The following SRGAP3 variants were observed in gnomAD, a reference collection of about 807,000 sequenced individuals.
SRGAP3 encodes the protein SLIT-ROBO Rho GTPase activating protein 3, also known as SLIT-ROBO Rho GTPase-activating protein 3.
SRGAP3 carries 39 observed loss-of-function variants against 121.1 expected under a neutral mutation model. That is an observed-to-expected ratio of 0.32 (90% CI 0.25 to 0.42). The LOEUF (loss-of-function observed/expected upper bound fraction) is 0.42, where lower values mean the gene tolerates loss of function less well. Ranked by LOEUF, SRGAP3 falls within the 10% of genes least tolerant of loss-of-function variation. SRGAP3 has a pLI of 1.00. For missense variants in SRGAP3, 1,213 were observed against 1,470.6 expected (o/e 0.82, Z 2.86); for synonymous variants, 601 against 570.0 (o/e 1.05, Z -0.77).
At chr3:8,994,051 CTG>C in intron 19 of SRGAP3, 1 of 459,472 alleles carries the variant, frequency 2.2e-6, no homozygotes, top group Admixed American at 3.4e-5. Flanking sequence ...CCCCTGGATA[CTG>C]AGAGCCCTGG....
intron 2 of SRGAP3, among the ~76,000 whole-genome samples, chr3:9,114,875 C>T (rs999683712): frequency 3.3e-5 from 5 of 152,208 alleles, no homozygotes; most frequent in South Asian, 2.1e-4. Context: ...TCCACATCAC[C>T]GTGAACCAAG....
intron 1 of SRGAP3, among the ~76,000 whole-genome samples, chr3:9,178,714 G>A (rs77737070): frequency 1.4e-3 from 208 of 152,236 alleles, no homozygotes; most frequent in African/African-American, 4.9e-3. Flanking sequence ...GCCTCCCATG[G>A]CCTGGATCCC....
Position 9,207,309 on chromosome 3 carries a change from T to A in SRGAP3, c.67+41576A>T, listed in dbSNP as rs560753161. 9.8e-5 allele frequency among the ~76,000 whole-genome samples: 15 copies of A among 152,310 alleles called. No homozygotes were observed. In the South Asian group the frequency reaches 3.1e-3, roughly 32 times the overall value. ...TTTCTACTGTTTAGAGTCACACACC[T>A]AGACAGTGGCAACAAAGAAAGAGAG... On this transcript the variant is annotated intron_variant, in intron 1 of 21. Transcript: ENST00000383836.
chr3:9,120,744 T>C (rs188478092), intron 2 of SRGAP3, among the ~76,000 whole-genome samples: 1 of 152,248 alleles, frequency 6.6e-6, no homozygotes, highest in East Asian at 1.9e-4. Context: ...TTGAAAGAGG[T>C]TTGTTAGAAT....
At chr3:9,306,491 T>C (rs1471175538) in intron 3 of SRGAP3, among the ~76,000 whole-genome samples, 1 of 152,258 alleles carries the variant, frequency 6.6e-6, no homozygotes, top group East Asian at 1.9e-4. Context: ...TCCTTGCCCA[T>C]GCCTATGTCC....
At chr3:9,214,568 T>C (rs895886570) in intron 1 of SRGAP3, among the ~76,000 whole-genome samples, 1 of 152,068 alleles carries the variant, frequency 6.6e-6, no homozygotes, top group Admixed American at 6.5e-5. Flanking sequence ...TAAGTTAAAC[T>C]CCAAGACAAA....
At chr3:9,198,388 T>C (rs956913456) in intron 1 of SRGAP3, among the ~76,000 whole-genome samples, 1 of 152,130 alleles carries the variant, frequency 6.6e-6, no homozygotes, top group Non-Finnish European at 1.5e-5. Flanking sequence ...CCACATGCAG[T>C]GATGAGGAAG....
intron 1 of SRGAP3, among the ~76,000 whole-genome samples, chr3:9,178,218 A>C (rs1951248787): frequency 1.3e-5 from 2 of 152,124 alleles, no homozygotes; most frequent in African/African-American, 2.4e-5. Context: ...CAGTGAGCTG[A>C]GATCATGCCA....
intron 3 of SRGAP3, among the ~76,000 whole-genome samples, chr3:9,288,130 G>GTTTTTTTTT (rs57076828): frequency 5.9e-5 from 7 of 119,096 alleles, no homozygotes; most frequent in African/African-American, 6.3e-5. Context: ...TTCTATCTTT[G>GTTTTTTTTT]TTTTTTTTTT....
chr3:9,089,082 ACC>A (rs1947627050), intron 3 of SRGAP3, among the ~76,000 whole-genome samples: 1 of 152,080 alleles, frequency 6.6e-6, no homozygotes, highest in South Asian at 2.1e-4. Flanking sequence ...CCCAGTATAT[ACC>A]AGCCTAAACT....
intron 1 of SRGAP3, among the ~76,000 whole-genome samples, chr3:9,167,988 A>T (rs1950849618): frequency 6.6e-6 from 1 of 152,186 alleles, no homozygotes; most frequent in Non-Finnish European, 1.5e-5. Flanking sequence ...CAATTCACAA[A>T]GTGCTTTTTT....
chr3:9,153,685 T>C (rs1950289191), intron 1 of SRGAP3, among the ~76,000 whole-genome samples: 1 of 152,128 alleles, frequency 6.6e-6, no homozygotes, highest in South Asian at 2.1e-4. Context: ...AATATACACA[T>C]GGAGGGAAAG....
At chr3:9,333,844 C>T (rs1256814884) in intron 1 of SRGAP3, among the ~76,000 whole-genome samples, 2 of 152,120 alleles carry the variant, frequency 1.3e-5, no homozygotes, top group Non-Finnish European at 2.9e-5. Flanking sequence ...TTCAAATCAA[C>T]AATTACTGAG....
At chr3:9,177,455 C>G (rs1951219379) in intron 1 of SRGAP3, among the ~76,000 whole-genome samples, 1 of 152,098 alleles carries the variant, frequency 6.6e-6, no homozygotes, top group Admixed American at 6.6e-5. Flanking sequence ...GCTGGGGGAC[C>G]TGGAGGAGGC....
upstream of SRGAP3, among the ~76,000 whole-genome samples, chr3:9,253,658 T>C (rs762545805): frequency 6.6e-5 from 10 of 152,238 alleles, no homozygotes; most frequent in Non-Finnish European, 2.9e-5. Context: ...TGAATAATTC[T>C]GCCCTTCAAG....
intron 1 of SRGAP3, among the ~76,000 whole-genome samples, chr3:9,360,780 C>T (rs2030756173): frequency 6.6e-6 from 1 of 152,158 alleles, no homozygotes; most frequent in Non-Finnish European, 1.5e-5. Context: ...TCAATCATCT[C>T]CCACTGGGTC....
chr3:9,185,205 C>T (rs767209769), intron 1 of SRGAP3, among the ~76,000 whole-genome samples: 17 of 152,186 alleles, frequency 1.1e-4, no homozygotes, highest in Non-Finnish European at 2.2e-4. Context: ...TCACTACTGA[C>T]CTCTTTGCCT....
At chr3:9,325,849 C>G (rs1955508855) in intron 3 of SRGAP3, among the ~76,000 whole-genome samples, 1 of 151,886 alleles carries the variant, frequency 6.6e-6, no homozygotes, top group Admixed American at 6.5e-5. Context: ...TAATAGACCC[C>G]TTTTTCATTT....
At chr3:9,194,553 C>T (rs1574847755) in intron 1 of SRGAP3, 1 of 152,338 alleles carries the variant, frequency 6.6e-6, no homozygotes, top group East Asian at 1.9e-4. Flanking sequence ...ATGCTCCTAA[C>T]TTAGGTGGCA....
Sources: gnomAD v4.1 joint callset for allele counts (sites outside exome capture counted in the v4.1 genomes callset) on GRCh38, gnomAD v4.1.1 for gene constraint, MANE v1.5 for transcripts, NCBI Gene and HGNC (gene_info 2026-07-23, HGNC 2026-07-21) for gene names.